COL14A1: variants seen among roughly 807,000 people sequenced by gnomAD.
COL14A1 encodes the protein collagen type XIV alpha 1 chain.
Under a neutral mutation model 230.3 loss-of-function variants are expected in COL14A1, and 136 were observed. The ratio of observed to expected loss-of-function variants is 0.59; its 90% CI spans 0.51 to 0.68. The LOEUF (loss-of-function observed/expected upper bound fraction) is 0.68. COL14A1 is among the 30% of genes least tolerant of loss of function. The probability of loss-of-function intolerance (pLI) is 0.00; values close to 1 mark genes in which losing one functional copy is unlikely to be tolerated. For synonymous variants in COL14A1, 792 were observed against 784.1 expected (o/e 1.01, Z -0.17); for missense variants, 1,976 against 2,215.8 (o/e 0.89, Z 2.17).
intron 1 of COL14A1, among the ~76,000 whole-genome samples, chr8:120,137,594 T>C (rs1814756346): frequency 6.6e-6 from 1 of 152,126 alleles, no homozygotes; most frequent in Non-Finnish European, 1.5e-5. Context: ...CATTTAAACC[T>C]ATAAGTTTAT....
chr8:120,292,573 A>AG (rs1820405430), intron 34 of COL14A1, among the ~76,000 whole-genome samples: 1 of 152,270 alleles, frequency 6.6e-6, no homozygotes, highest in Admixed American at 6.5e-5. Context: ...TTTCAGTACA[A>AG]GGTAAGAGAA....
chr8:120,196,670 C>A, intron 5 of COL14A1, 121 bp from the exon 6 acceptor site: 2 of 951,856 alleles, frequency 2.1e-6, no homozygotes, highest in Non-Finnish European at 3.0e-6. Context: ...AAAAAGATGG[C>A]TGCTCCTACG....
chr8:120,349,342 AG>A (rs1822659500), intron 45 of COL14A1, among the ~76,000 whole-genome samples: 1 of 150,780 alleles, frequency 6.6e-6, no homozygotes, highest in Non-Finnish European at 1.5e-5. Context: ...TCCTCCTCCA[AG>A]GGAACGCAGC....
rs12676688 is a variant in COL14A1 at position 120,304,433 on chromosome 8, G to A, written c.4401+3615G>A. Among the ~76,000 whole-genome samples the A allele has an allele frequency of 1.1e-3, 175 of 152,220 alleles. 3 individuals carry two copies. The East Asian group carries it at 0.032, about 28-fold the overall frequency. On this transcript the variant is annotated intron_variant, in intron 36 of 47. Transcript: ENST00000297848. ...CCTTAGCTGTATCCCAGAGATTCTG[G>A]TATGTTGTACCTTTGTTCTCATTAG...
chr8:120,183,694 G>A (rs1816547980), intron 5 of COL14A1, among the ~76,000 whole-genome samples: 1 of 152,168 alleles, frequency 6.6e-6, no homozygotes, highest in African/African-American at 2.4e-5. Context: ...GTGCTGAAAT[G>A]TTGTTTCGGC....
chr8:120,137,434 C>T (rs567960119), intron 1 of COL14A1, among the ~76,000 whole-genome samples: 6 of 152,044 alleles, frequency 3.9e-5, no homozygotes, highest in African/African-American at 9.6e-5. Flanking sequence ...TTAATTTCTA[C>T]TAATGTTTTC....
intron 1 of COL14A1, among the ~76,000 whole-genome samples, chr8:120,135,319 A>G (rs1586706238): frequency 6.6e-6 from 1 of 152,070 alleles, no homozygotes; most frequent in South Asian, 2.1e-4. Flanking sequence ...GCTGGAGTGC[A>G]GTGGCACAAT....
chr8:120,188,118 T>C (rs1341132414), intron 5 of COL14A1, among the ~76,000 whole-genome samples: 1 of 151,608 alleles, frequency 6.6e-6, no homozygotes, highest in Non-Finnish European at 1.5e-5. Context: ...CGTCTCGTTC[T>C]GTCACCCAGG....
chr8:120,194,013 A>T (rs1816937059), intron 5 of COL14A1, among the ~76,000 whole-genome samples: 1 of 152,272 alleles, frequency 6.6e-6, no homozygotes, highest in African/African-American at 2.4e-5. Flanking sequence ...GGGTGAGGCA[A>T]TGCCTCGCCC....
intron 5 of COL14A1, among the ~76,000 whole-genome samples, chr8:120,184,261 A>ATTTATTTG (rs1299447118): frequency 1.5e-4 from 23 of 148,936 alleles, no homozygotes; most frequent in Non-Finnish European, 3.0e-4. Context: ...TTATTTATTT[A>ATTTATTTG]TTTATTTATT....
chr8:120,302,048 T>C (rs1820729256), intron 36 of COL14A1, among the ~76,000 whole-genome samples: 1 of 152,170 alleles, frequency 6.6e-6, no homozygotes, highest in South Asian at 2.1e-4. Flanking sequence ...AAAGTGTCTG[T>C]TTATGTCCTT....
chr8:120,274,886 T>TA (rs1368453133), intron 26 of COL14A1, among the ~76,000 whole-genome samples: 1 of 151,662 alleles, frequency 6.6e-6, no homozygotes, highest in African/African-American at 2.4e-5. Context: ...GCTCATGGAT[T>TA]GAAATAATTC....
At chr8:120,238,547 G>A (rs180802214) in intron 19 of COL14A1, among the ~76,000 whole-genome samples, 6 of 152,318 alleles carry the variant, frequency 3.9e-5, no homozygotes, top group Non-Finnish European at 7.3e-5. Flanking sequence ...GTTGGGCTCC[G>A]TGGGGGTTGG....
chr8:120,353,058 CA>C (rs1474986448), intron 45 of COL14A1, among the ~76,000 whole-genome samples: 1 of 21,130 alleles, frequency 4.7e-5, no homozygotes, highest in Non-Finnish European at 7.0e-5. Flanking sequence ...ATCAATGGAA[CA>C]GAACAGAGCC....
chr8:120,232,405 C>G (rs960649189), intron 19 of COL14A1, among the ~76,000 whole-genome samples: 4 of 152,148 alleles, frequency 2.6e-5, no homozygotes, highest in Non-Finnish European at 5.9e-5. Flanking sequence ...TCTCCTAATG[C>G]TATCCCTCCC....
At chr8:120,167,151 G>A (rs1262409826) in intron 4 of COL14A1, among the ~76,000 whole-genome samples, 1 of 152,070 alleles carries the variant, frequency 6.6e-6, no homozygotes, top group Non-Finnish European at 1.5e-5. Context: ...TAGAATTGGA[G>A]TGACATGACC....
intron 23 of COL14A1, among the ~76,000 whole-genome samples, chr8:120,259,806 C>T (rs1212421658): frequency 3.9e-5 from 6 of 152,052 alleles, no homozygotes; most frequent in South Asian, 2.1e-4. Context: ...GTATGATCCA[C>T]GCATAAAATT....
At chr8:120,264,532 AAG>A (rs1160613805) in intron 24 of COL14A1, among the ~76,000 whole-genome samples, 1 of 152,140 alleles carries the variant, frequency 6.6e-6, no homozygotes, top group African/African-American at 2.4e-5. Context: ...CAACCAATAA[AAG>A]AATACTCATT....
At chr8:120,224,928 A>C (rs181084290) in intron 14 of COL14A1, among the ~76,000 whole-genome samples, 160 bp from the exon 15 acceptor site, 10 of 152,336 alleles carry the variant, frequency 6.6e-5, no homozygotes, top group Admixed American at 1.3e-4. Flanking sequence ...TAAGGGTGTA[A>C]GATCAGAAAT....
Sources: gnomAD v4.1 joint callset for allele counts (sites outside exome capture counted in the v4.1 genomes callset) on GRCh38, gnomAD v4.1.1 for gene constraint, MANE v1.5 for transcripts, NCBI Gene and HGNC (gene_info 2026-07-23, HGNC 2026-07-21) for gene names.